The following LUC7L2 variants were observed in gnomAD, a reference collection of about 807,000 sequenced individuals.
The protein encoded by LUC7L2 is putative RNA-binding protein Luc7-like 2.
In LUC7L2, 25 loss-of-function variants were observed where a neutral mutation model predicts 52.8. The observed-to-expected ratio is 0.47, with a 90% CI of 0.34 to 0.66. The LOEUF (loss-of-function observed/expected upper bound fraction) is 0.66. Among genes scored for constraint, LUC7L2 ranks in the 30% least tolerant of loss-of-function variants. The pLI is 0.01. For missense variants in LUC7L2, 328 were observed against 497.8 expected (o/e 0.66, Z 3.25); for synonymous variants, 144 against 160.9 (o/e 0.89, Z 0.80).
At chr7:139,364,263 A>T (rs1800030279) in intron 1 of LUC7L2, among the ~76,000 whole-genome samples, 1 of 152,008 alleles carries the variant, frequency 6.6e-6, no homozygotes, top group Admixed American at 6.6e-5. Flanking sequence ...TAAGCTTAGA[A>T]ATTAGGTAAG....
chr7:139,353,257 C>T (rs1799507365), intron 1 of LUC7L2, among the ~76,000 whole-genome samples: 3 of 152,038 alleles, frequency 2.0e-5, no homozygotes, highest in Admixed American at 6.6e-5. Flanking sequence ...CAAGTAAAAC[C>T]GCAATATTAA....
chr7:139,419,915 G>T (rs925777559), intron 9 of LUC7L2, among the ~76,000 whole-genome samples: 1 of 152,160 alleles, frequency 6.6e-6, no homozygotes, highest in Non-Finnish European at 1.5e-5. Context: ...GATAATTGCT[G>T]TTAAAACCTA....
intron 2 of LUC7L2, among the ~76,000 whole-genome samples, chr7:139,391,662 C>T (rs2131259763): frequency 6.6e-6 from 1 of 152,222 alleles, no homozygotes; most frequent in African/African-American, 2.4e-5. Flanking sequence ...GATCTTGGCT[C>T]ACTGCAACCT....
intron 2 of LUC7L2, among the ~76,000 whole-genome samples, chr7:139,395,381 TTTA>T (rs1407833746): frequency 2.0e-5 from 3 of 152,094 alleles, no homozygotes; most frequent in Non-Finnish European, 4.4e-5. Flanking sequence ...TTACTTTTTG[TTTA>T]TTGTCACTGA....
chr7:139,353,693 C>A (rs1022001021), intron 1 of LUC7L2, among the ~76,000 whole-genome samples: 6 of 151,466 alleles, frequency 4.0e-5, no homozygotes, highest in Admixed American at 3.3e-4. Context: ...CTCAGAAGGC[C>A]GAGGCAGGAG....
At chr7:139,392,868 G>A (rs1283668280) in intron 2 of LUC7L2, among the ~76,000 whole-genome samples, 1 of 151,968 alleles carries the variant, frequency 6.6e-6, no homozygotes, top group African/African-American at 2.4e-5. Flanking sequence ...TGGTCAGGCT[G>A]TTCTCAAACT....
At chr7:139,354,103 C>T (rs1799539576) in intron 1 of LUC7L2, among the ~76,000 whole-genome samples, 1 of 141,208 alleles carries the variant, frequency 7.1e-6, no homozygotes, top group African/African-American at 3.0e-5. Flanking sequence ...GCAATAGAGA[C>T]TCGGTCTCAG....
intron 2 of LUC7L2, among the ~76,000 whole-genome samples, chr7:139,384,681 A>G (rs1585099461): frequency 6.6e-6 from 1 of 152,232 alleles, no homozygotes; most frequent in Middle Eastern, 3.2e-3. Context: ...AGGAACAAGA[A>G]TACTCAAAAA....
At position 139,398,643 on chromosome 7, in the gene LUC7L2, A is replaced by G; in HGVS notation, c.201A>G (p.Leu67=). 1 of 1,612,928 alleles carries G rather than the reference A, an allele frequency of 6.2e-7. No homozygotes were observed. Among genetic ancestry groups the G allele is most frequent in the Admixed American group, 1.7e-5 (1 of 59,718 alleles). The change falls in exon 3 of 10, where the codon TTA becomes TTG. Residue 67 remains leucine, a synonymous_variant. Coordinates refer to ENST00000354926, the MANE Select transcript of LUC7L2 (RefSeq NM_016019.5). ...GTCTGAAAGTCCATGACCTGGCTTT[A>G]AGAGCGGATTATGAAATTGCATCCA... is the stretch of plus-strand genomic sequence containing the variant. ...GECLKVHDLA[L]RADYEIASKE...
At chr7:139,361,151 TAAAA>T (rs1799862140) in intron 1 of LUC7L2, among the ~76,000 whole-genome samples, 1 of 152,356 alleles carries the variant, frequency 6.6e-6, no homozygotes, top group East Asian at 1.9e-4. Flanking sequence ...AATTTCTAAA[TAAAA>T]TGATGAAATG....
upstream of LUC7L2, among the ~76,000 whole-genome samples, chr7:139,356,449 C>T (rs925369382): frequency 2.4e-4 from 37 of 151,684 alleles, no homozygotes; most frequent in African/African-American, 3.4e-4. Flanking sequence ...CCCAACTAGC[C>T]GACCAACACA....
chr7:139,386,037 G>C (rs1467316630), intron 2 of LUC7L2, among the ~76,000 whole-genome samples: 1 of 152,000 alleles, frequency 6.6e-6, no homozygotes, highest in Non-Finnish European at 1.5e-5. Context: ...GAGTCTTGAT[G>C]TGTCTCCCAG....
chr7:139,376,509 G>A lies in LUC7L2; in HGVS notation c.156+353G>A, dbSNP rs139372507. Among the ~76,000 whole-genome samples, 4 of 151,986 alleles carry A rather than the reference G, an allele frequency of 2.6e-5. No individual in the cohort carries two copies. The East Asian group carries it at 5.8e-4, about 22-fold the overall frequency. On this transcript the variant is annotated intron_variant, in intron 2 of 9. Transcript: ENST00000354926. ...AACAGAGTAGACTTTTATCTAGTAC[G>A]GTATACATTTTTGTTAAGATTTGTA... is the stretch of plus-strand genomic sequence containing the variant.
intron 2 of LUC7L2, among the ~76,000 whole-genome samples, chr7:139,378,103 C>G (rs976749885): frequency 2.0e-5 from 3 of 151,984 alleles, no homozygotes; most frequent in African/African-American, 4.8e-5. Context: ...CAAGCGTGAC[C>G]CACTGCACCT....
intron 2 of LUC7L2, among the ~76,000 whole-genome samples, chr7:139,390,657 G>A (rs956319786): frequency 8.0e-5 from 12 of 150,238 alleles, no homozygotes; most frequent in African/African-American, 2.7e-4. Flanking sequence ...CCAGGTTCAC[G>A]CCATTCTCCT....
rs1757615637 is a variant in LUC7L2 at position 139,422,958 on chromosome 7, CTTT to C, written c.*622_*624del. 2.5e-6 allele frequency: 1 copy of C among 398,148 alleles called. No individual in the cohort carries two copies. The highest frequency in any genetic ancestry group is 2.1e-5 in the African/African-American group (1 of 48,376). 24.7% of individuals were successfully genotyped at this position (398,148 alleles called of 1,614,324 possible). Reference sequence around the variant, plus strand: ...ACAGCTGTTGCATTACATACTTTTGCTTTTTTATTGAAATTTTGAAATCAAACG... The same window carrying C: ...ACAGCTGTTGCATTACATACTTTTGCTTTATTGAAATTTTGAAATCAAACG... On this transcript the variant is annotated 3_prime_UTR_variant, in exon 10 of 10. Coordinates refer to ENST00000354926, the MANE Select transcript of LUC7L2 (RefSeq NM_016019.5).
chr7:139,371,547 G>T (rs2131203486), intron 1 of LUC7L2: 1 of 1,416,768 alleles, frequency 7.1e-7, no homozygotes, highest in Non-Finnish European at 9.6e-7. Context: ...GGAGGGAGAG[G>T]GTGGGTAGTA....
chr7:139,340,789 C>CT (rs143685040), intron 1 of LUC7L2, among the ~76,000 whole-genome samples: 8,454 of 151,724 alleles, frequency 0.056, 328 homozygotes, highest in Non-Finnish European at 0.085. Flanking sequence ...GACTTTTGTC[C>CT]TTTTTTCCCC....
At position 139,402,131 on chromosome 7, in the gene LUC7L2, T is replaced by C. The variant is rs1794943422; in HGVS notation, c.256-6T>C. The C allele has an allele frequency of 6.3e-7, 1 of 1,578,268 alleles. No homozygotes were observed. Among genetic ancestry groups the C allele is most frequent in the Non-Finnish European group, 8.6e-7 (1 of 1,169,430 alleles). On this transcript the variant is annotated splice_region_variant and splice_polypyrimidine_tract_variant and intron_variant, in intron 3 of 9. Coordinates refer to ENST00000354926, the MANE Select transcript of LUC7L2 (RefSeq NM_016019.5). ...GACAGTAATTGTCTTTAATTAAACT[T>C]TGTAGGCCATGGATCATCTGCAGTC... is the stretch of plus-strand genomic sequence containing the variant.
Sources: gnomAD v4.1 joint callset for allele counts (sites outside exome capture counted in the v4.1 genomes callset) on GRCh38, gnomAD v4.1.1 for gene constraint, MANE v1.5 for transcripts, NCBI Gene and HGNC (gene_info 2026-07-23, HGNC 2026-07-21) for gene names.